C16orf74: variants seen among roughly 807,000 people sequenced by gnomAD.
C16orf74 encodes calcimembrin, also known as uncharacterized protein C16orf74.
C16orf74 carries 10 observed loss-of-function variants against 6.5 expected under a neutral mutation model. The observed-to-expected ratio is 1.54, with a 90% CI of 0.95 to 2.61. The LOEUF is 2.61. Among genes scored for constraint, C16orf74 ranks in the 30% most tolerant of loss-of-function variants. C16orf74 has a pLI of 0.00. For missense variants in C16orf74, 141 were observed against 105.9 expected (o/e 1.33, Z -1.45); for synonymous variants, 60 against 42.5 (o/e 1.41, Z -1.60).
At chr16:85,715,981 C>T (rs554806527) in intron 2 of C16orf74, among the ~76,000 whole-genome samples, 35 of 143,958 alleles carry the variant, frequency 2.4e-4, no homozygotes, top group Admixed American at 2.3e-3. Context: ...GAGCTCCTTG[C>T]GGAGGCCCCC....
At chr16:85,709,495 G>GTTGTTA (rs150032889) in intron 3 of C16orf74, among the ~76,000 whole-genome samples, 26 of 147,418 alleles carry the variant, frequency 1.8e-4, no homozygotes, top group Admixed American at 2.7e-4. Flanking sequence ...CATCCCCAAT[G>GTTGTTA]TTATTATTAT....
At chr16:85,739,526 C>G (rs1024828834) in intron 1 of C16orf74, among the ~76,000 whole-genome samples, 3 of 152,136 alleles carry the variant, frequency 2.0e-5, no homozygotes, top group African/African-American at 4.8e-5. Flanking sequence ...ATGAGAGCAG[C>G]GGGATGCTGT....
intron 2 of C16orf74, among the ~76,000 whole-genome samples, chr16:85,731,865 A>T (rs1461155629): frequency 6.6e-6 from 1 of 151,930 alleles, no homozygotes; most frequent in African/African-American, 2.4e-5. Context: ...TAATTTTTGT[A>T]TTTTTTGTAG....
At chr16:85,748,956 T>A (rs1413482759) in intron 1 of C16orf74, among the ~76,000 whole-genome samples, 28 of 151,394 alleles carry the variant, frequency 1.8e-4, no homozygotes, top group Non-Finnish European at 2.9e-5. Flanking sequence ...TTATTTTATT[T>A]TTTTTTAGAG....
At chr16:85,714,585 A>G (rs985214411) in intron 2 of C16orf74, among the ~76,000 whole-genome samples, 4 of 151,384 alleles carry the variant, frequency 2.6e-5, no homozygotes, top group African/African-American at 9.7e-5. Flanking sequence ...ACACCCAGCT[A>G]ATTTTTATAT....
intron 2 of C16orf74, among the ~76,000 whole-genome samples, chr16:85,730,575 C>A (rs1179706931): frequency 1.5e-5 from 2 of 134,740 alleles, no homozygotes; most frequent in African/African-American, 2.8e-5. Context: ...ACTGAACCCC[C>A]AGACCACACA....
chr16:85,748,043 A>C (rs2054392784), intron 1 of C16orf74, among the ~76,000 whole-genome samples: 1 of 126,764 alleles, frequency 7.9e-6, no homozygotes, highest in Non-Finnish European at 1.9e-5. Context: ...CTGGTATTGC[A>C]CCACTGCACT....
intron 1 of C16orf74, among the ~76,000 whole-genome samples, chr16:85,745,273 G>C (rs1046736108): frequency 2.0e-5 from 3 of 151,956 alleles, no homozygotes; most frequent in Admixed American, 1.3e-4. Flanking sequence ...CCTCCTGAGG[G>C]GTGGCAAGAC....
intron 2 of C16orf74, among the ~76,000 whole-genome samples, chr16:85,716,765 A>G (rs188573188): frequency 6.6e-5 from 10 of 152,112 alleles, no homozygotes; most frequent in Non-Finnish European, 1.5e-4. Context: ...TCACATCCCC[A>G]GGGCCTGCCA....
intron 2 of C16orf74, among the ~76,000 whole-genome samples, chr16:85,713,346 A>G (rs1241095293): frequency 6.6e-6 from 1 of 152,076 alleles, no homozygotes; most frequent in Non-Finnish European, 1.5e-5. Flanking sequence ...ATCTCAGCTC[A>G]CTGCAACCTC....
intron 2 of C16orf74, among the ~76,000 whole-genome samples, chr16:85,723,087 T>C (rs2054098368): frequency 6.6e-6 from 1 of 151,596 alleles, no homozygotes; most frequent in African/African-American, 2.4e-5. Context: ...GATGAAACCC[T>C]GTTTCTACTA....
Position 85,713,360 on chromosome 16 carries a change from C to A in C16orf74, c.29-3053G>T, listed in dbSNP as rs147829691. Among the ~76,000 whole-genome samples the A allele has an allele frequency of 6.2e-4, 94 of 152,306 alleles. 1 individual carries two copies. The East Asian group carries it at 0.018, about 29-fold the overall frequency. On this transcript the variant is annotated intron_variant, in intron 2 of 3. Coordinates refer to ENST00000284245, the MANE Select transcript of C16orf74 (RefSeq NM_206967.3). ...AATCTCAGCTCACTGCAACCTCTGCCTCTCGGGTTCAAACAAAATCTCCTG... is the reference window on the plus strand; with the variant it reads ...AATCTCAGCTCACTGCAACCTCTGCATCTCGGGTTCAAACAAAATCTCCTG...
Position 85,735,219 on chromosome 16 carries a change from T to G in C16orf74, c.-2A>C. On this transcript the variant is annotated 5_prime_UTR_variant, in exon 2 of 4. Transcript: ENST00000284245. ...CAGGCAGGACATCTTAAGCCCCATG[T>G]CGGCACCTCTGCAGGCCTGTGGAGA... The G allele has an allele frequency of 6.3e-7, 1 of 1,598,474 alleles. No individual in the cohort carries two copies. Among genetic ancestry groups the G allele is most frequent in the Non-Finnish European group, 8.5e-7 (1 of 1,172,292 alleles).
intron 2 of C16orf74, 92 bp downstream of exon 2, chr16:85,735,098 G>T: frequency 1.8e-6 from 2 of 1,122,892 alleles, no homozygotes; most frequent in Non-Finnish European, 2.6e-6. Context: ...TCCCTCTGCA[G>T]GGCAGAGGGC....
chr16:85,733,530 T>C (rs1262083125), intron 2 of C16orf74, among the ~76,000 whole-genome samples: 2 of 152,216 alleles, frequency 1.3e-5, no homozygotes, highest in Non-Finnish European at 2.9e-5. Flanking sequence ...GTACACTTCA[T>C]GGTTAAAACG....
intron 2 of C16orf74, among the ~76,000 whole-genome samples, chr16:85,713,522 C>T (rs1291243267): frequency 1.3e-5 from 2 of 152,220 alleles, no homozygotes; most frequent in African/African-American, 4.8e-5. Context: ...ATCTGCCCAC[C>T]TTGGCCTCCC....
At chr16:85,730,521 C>T (rs552862345) in intron 2 of C16orf74, among the ~76,000 whole-genome samples, 21 of 138,940 alleles carry the variant, frequency 1.5e-4, no homozygotes, top group African/African-American at 5.5e-4. Flanking sequence ...CCCACATCAG[C>T]CGAGGGAACC....
chr16:85,725,630 G>A (rs1295381366), intron 2 of C16orf74, among the ~76,000 whole-genome samples: 1 of 152,172 alleles, frequency 6.6e-6, no homozygotes, highest in East Asian at 1.9e-4. Context: ...TTGCCAGGCT[G>A]GAGTGCAGTG....
At chr16:85,725,068 G>C (rs527597833) in intron 2 of C16orf74, among the ~76,000 whole-genome samples, 16 of 152,294 alleles carry the variant, frequency 1.1e-4, no homozygotes, top group East Asian at 7.7e-4. Context: ...TGACTGATGG[G>C]GGGGGGACCG....
Sources: allele counts gnomAD v4.1 joint callset (sites outside exome capture counted in the v4.1 genomes callset), GRCh38; gene constraint gnomAD v4.1.1; transcripts MANE v1.5; gene names NCBI Gene and HGNC (gene_info 2026-07-23, HGNC 2026-07-21).